The following NHSL1 variants were observed in gnomAD, a reference collection of about 807,000 sequenced individuals.
NHSL1 encodes the protein NHS like 1.
Under a neutral mutation model 95.0 loss-of-function variants are expected in NHSL1, and 48 were observed. The observed-to-expected ratio is 0.51, with a 90% CI of 0.40 to 0.64. The LOEUF is 0.64. Ranked by LOEUF, NHSL1 falls within the 30% of genes least tolerant of loss-of-function variation. NHSL1 has a pLI of 0.00. For synonymous variants in NHSL1, 783 were observed against 833.9 expected, an observed-to-expected ratio of 0.94 and a Z score of 1.05; for missense variants, 1,971 against 2,077.7, an observed-to-expected ratio of 0.95 and a Z score of 1.00.
chr6:138,424,349 T>C lies in NHSL1; in HGVS notation c.4553A>G (p.Gln1518Arg). 6.5e-7 allele frequency: 1 copy of C among 1,546,618 alleles called. No individual in the cohort carries two copies. Among genetic ancestry groups the C allele is most frequent in the African/African-American group, 1.4e-5 (1 of 73,066 alleles). Reference protein sequence around the residue: ...SSRYSMRNRIQSSPMTVISEG... With the variant: ...SSRYSMRNRIRSSPMTVISEG... Reference sequence around the variant, plus strand: ...CGAGATGACGGTCATGGGGCTGCTCTGGATCCGGTTCCGCATGCTGTACCT... The same window carrying C: ...CGAGATGACGGTCATGGGGCTGCTCCGGATCCGGTTCCGCATGCTGTACCT... The change falls in exon 8 of 8, where the codon CAG becomes CGG. Residue 1518 changes from glutamine (Q) to arginine (R), a missense_variant. Gln to Arg is a conservative substitution (Grantham distance 43). Coordinates refer to ENST00000343505, the MANE Select transcript of NHSL1 (RefSeq NM_001144060.2). The surrounding 1 kb of genome is among the most constrained non-coding windows in gnomAD (Gnocchi z 5.9).
chr6:138,526,700 C>CT (rs1254415667), intron 1 of NHSL1, among the ~76,000 whole-genome samples: 2 of 152,026 alleles, frequency 1.3e-5, no homozygotes, highest in Non-Finnish European at 2.9e-5. Flanking sequence ...AATTTTTATT[C>CT]TTTTTTATTT....
At chr6:138,543,059 T>C (rs1169494609) in intron 1 of NHSL1, among the ~76,000 whole-genome samples, 2 of 152,354 alleles carry the variant, frequency 1.3e-5, no homozygotes, top group South Asian at 2.1e-4. Context: ...ACATGGCACC[T>C]GGCCTATTCT....
intron 3 of NHSL1, among the ~76,000 whole-genome samples, chr6:138,451,531 A>T (rs1777240448): frequency 6.6e-6 from 1 of 152,214 alleles, no homozygotes; most frequent in Admixed American, 6.5e-5. Context: ...AGAATTGCAT[A>T]GAAGGTTATT....
chr6:138,480,254 T>C (rs1381412276), intron 2 of NHSL1, among the ~76,000 whole-genome samples: 1 of 152,216 alleles, frequency 6.6e-6, no homozygotes, highest in Non-Finnish European at 1.5e-5. Flanking sequence ...AATGCAGGTT[T>C]CACACCCTGT....
At position 138,430,487 on chromosome 6, in the gene NHSL1, A is replaced by G. The variant is rs1457159288; in HGVS notation, c.3858T>C (p.Asp1286=). 1 of 1,551,250 alleles carries G rather than the reference A, an allele frequency of 6.4e-7. No individual in the cohort carries two copies. The change falls in exon 6 of 8, where the codon GAT becomes GAC. Residue 1286 remains aspartate, a synonymous_variant. Transcript: ENST00000343505. The surrounding 1 kb of genome is among the most constrained non-coding windows in gnomAD (Gnocchi z 4.7). Reference sequence around the variant, plus strand: ...CCTCCTGCTTGGGGGCTGGTGAGACATCAGGCTGAACCATGGGGACATTGG... The same window carrying G: ...CCTCCTGCTTGGGGGCTGGTGAGACGTCAGGCTGAACCATGGGGACATTGG... ...VEANVPMVQP[D]VSPAPKQEEP... is the part of the protein sequence containing the mutation.
intron 1 of NHSL1, among the ~76,000 whole-genome samples, chr6:138,622,148 T>C (rs992695157): frequency 2.6e-5 from 4 of 151,864 alleles, no homozygotes; most frequent in African/African-American, 9.7e-5. Flanking sequence ...CAAGGAAGGA[T>C]GGGGAAAGAA....
intron 1 of NHSL1, among the ~76,000 whole-genome samples, chr6:138,663,375 A>C (rs1785251654): frequency 6.6e-6 from 1 of 151,884 alleles, no homozygotes; most frequent in Non-Finnish European, 1.5e-5. Context: ...AGCCTGATCA[A>C]CATGGAGAAA....
intron 1 of NHSL1, chr6:138,512,193 C>G (rs1406912601): frequency 4.7e-6 from 2 of 427,798 alleles, no homozygotes; most frequent in Non-Finnish European, 9.3e-6. Flanking sequence ...CTGCACTTTC[C>G]CATGCTTAAT....
chr6:138,496,453 T>C (rs994545675), intron 1 of NHSL1, 82 bp from the exon 2 acceptor site: 3 of 1,377,372 alleles, frequency 2.2e-6, no homozygotes, highest in African/African-American at 1.4e-5. Flanking sequence ...TTTCCATGTC[T>C]AACACATCCA....
At chr6:138,640,825 A>T (rs1195904009) in intron 1 of NHSL1, among the ~76,000 whole-genome samples, 1 of 152,196 alleles carries the variant, frequency 6.6e-6, no homozygotes, top group East Asian at 1.9e-4. Context: ...ACTGGTTGAT[A>T]AAACTGAAGC....
chr6:138,669,897 G>A (rs373614508), intron 1 of NHSL1, among the ~76,000 whole-genome samples: 1 of 152,078 alleles, frequency 6.6e-6, no homozygotes, highest in East Asian at 1.9e-4. Context: ...AAGGTGGGTG[G>A]ATCACCCGAG....
At chr6:138,455,501 GCC>G (rs1562287769) in intron 3 of NHSL1, among the ~76,000 whole-genome samples, 8 of 73,600 alleles carry the variant, frequency 1.1e-4, no homozygotes, top group Non-Finnish European at 2.2e-4. Flanking sequence ...AAGGAGCCCC[GCC>G]TTCACATGCT....
At chr6:138,686,657 A>G (rs1256745606) in intron 1 of NHSL1, among the ~76,000 whole-genome samples, 3 of 152,340 alleles carry the variant, frequency 2.0e-5, no homozygotes, top group African/African-American at 7.2e-5. Context: ...GTTTACAGAT[A>G]TGAAAACTAA....
intron 3 of NHSL1, among the ~76,000 whole-genome samples, chr6:138,472,922 G>A (rs910603939): frequency 3.3e-5 from 5 of 152,046 alleles, no homozygotes; most frequent in African/African-American, 1.2e-4. Context: ...TGAGTCCTTG[G>A]TCATATGAAA....
intron 1 of NHSL1, among the ~76,000 whole-genome samples, chr6:138,638,219 G>A (rs922469722): frequency 1.3e-5 from 2 of 152,110 alleles, no homozygotes; most frequent in Non-Finnish European, 2.9e-5. Flanking sequence ...GGGAAGGGCA[G>A]TGGGGTGGGT....
At chr6:138,464,424 G>T in intron 3 of NHSL1, 1 of 346,540 alleles carries the variant, frequency 2.9e-6, no homozygotes, top group Non-Finnish European at 5.3e-6. Context: ...CCGAGGATGG[G>T]AGCGCTGCAG....
At chr6:138,433,885 A>G (rs982648888) in intron 5 of NHSL1, among the ~76,000 whole-genome samples, 2 of 152,182 alleles carry the variant, frequency 1.3e-5, no homozygotes, top group Non-Finnish European at 2.9e-5. Flanking sequence ...TACTTCTCTT[A>G]ATTTGTACCT....
chr6:138,477,713 T>A (rs942155905), intron 2 of NHSL1, among the ~76,000 whole-genome samples: 2 of 152,176 alleles, frequency 1.3e-5, no homozygotes, highest in African/African-American at 4.8e-5. Flanking sequence ...ATATGTAAGG[T>A]ATTGGATACC....
chr6:138,472,183 CAAAAAAA>C (rs10668786), intron 3 of NHSL1, among the ~76,000 whole-genome samples: 2 of 92,446 alleles, frequency 2.2e-5, no homozygotes, highest in African/African-American at 3.8e-5. Context: ...AAGATCTCAC[CAAAAAAA>C]AAAAAAAAAA....
Sources: gnomAD v4.1 joint callset for allele counts (sites outside exome capture counted in the v4.1 genomes callset) on GRCh38, gnomAD v4.1.1 for gene constraint, Gnocchi (gnomAD v3.1) non-coding constraint, MANE v1.5 for transcripts, NCBI Gene and HGNC (gene_info 2026-07-23, HGNC 2026-07-21) for gene names.